The following DPP10 variants were observed in gnomAD, a reference collection of about 807,000 sequenced individuals.
The protein encoded by DPP10 is dipeptidyl peptidase like 10, also known as inactive dipeptidyl peptidase 10.
DPP10 carries 33 observed loss-of-function variants against 120.9 expected under a neutral mutation model. The observed-to-expected ratio is 0.27, with a 90% confidence interval of 0.21 to 0.37. The LOEUF is 0.37. Among genes scored for constraint, DPP10 ranks in the 10% least tolerant of loss-of-function variants. The pLI, the probability that DPP10 is intolerant of heterozygous loss-of-function variation, is 1.00. For synonymous variants in DPP10, 337 were observed against 326.1 expected (o/e 1.03, Z -0.36); for missense variants, 816 against 942.8 (o/e 0.87, Z 1.76).
At chr2:114,445,532 CTCTGTGTGTG>C (rs1226423357) in intron 1 of DPP10, among the ~76,000 whole-genome samples, 6 of 116,034 alleles carry the variant, frequency 5.2e-5, no homozygotes, top group African/African-American at 2.0e-4. Flanking sequence ...GGAAAAACAG[CTCTGTGTGTG>C]TGTGTGTGTG....
At chr2:114,584,507 T>G (rs907452579) in intron 1 of DPP10, among the ~76,000 whole-genome samples, 1 of 150,956 alleles carries the variant, frequency 6.6e-6, no homozygotes, top group Non-Finnish European at 1.5e-5. Context: ...AACTCGTCAT[T>G]TAGCATTAGG....
intron 1 of DPP10, among the ~76,000 whole-genome samples, chr2:114,749,197 GTCT>G (rs1678941833): frequency 6.7e-6 from 1 of 148,848 alleles, no homozygotes; most frequent in Non-Finnish European, 1.5e-5. Flanking sequence ...CTGCATAAAT[GTCT>G]TCTTTTGAGA....
chr2:114,896,675 C>T (rs1454132141), intron 1 of DPP10, among the ~76,000 whole-genome samples: 3 of 152,300 alleles, frequency 2.0e-5, no homozygotes, highest in African/African-American at 7.2e-5. Context: ...ATCATGTCAT[C>T]TGCAAACAGG....
chr2:114,615,035 C>T (rs963068735), intron 1 of DPP10, among the ~76,000 whole-genome samples: 2 of 152,144 alleles, frequency 1.3e-5, no homozygotes, highest in African/African-American at 4.8e-5. Context: ...GATTCTACAG[C>T]TGTAATTTAT....
intron 1 of DPP10, among the ~76,000 whole-genome samples, chr2:114,910,146 AATAAG>A (rs1203945046): frequency 1.3e-5 from 2 of 151,900 alleles, no homozygotes; most frequent in Non-Finnish European, 1.5e-5. Context: ...TAAATAAATA[AATAAG>A]ATAAATAAAT....
At chr2:114,889,996 G>A (rs980820499) in intron 1 of DPP10, among the ~76,000 whole-genome samples, 1 of 152,198 alleles carries the variant, frequency 6.6e-6, no homozygotes, top group Non-Finnish European at 1.5e-5. Flanking sequence ...GCTTACTACT[G>A]TGTCGAAATT....
intron 1 of DPP10, among the ~76,000 whole-genome samples, chr2:114,959,268 A>AGTCT (rs1223880844): frequency 6.6e-6 from 1 of 152,202 alleles, no homozygotes; most frequent in Non-Finnish European, 1.5e-5. Context: ...CACAATCACT[A>AGTCT]GTCTGTCTGA....
chr2:115,797,857 A>T (rs1684714951), intron 19 of DPP10, among the ~76,000 whole-genome samples: 1 of 151,958 alleles, frequency 6.6e-6, no homozygotes, highest in African/African-American at 2.4e-5. Context: ...GGAAAAACCC[A>T]AATTTAGATA....
At chr2:114,810,165 T>C (rs1399340286) in intron 1 of DPP10, among the ~76,000 whole-genome samples, 2 of 152,202 alleles carry the variant, frequency 1.3e-5, no homozygotes, top group Non-Finnish European at 2.9e-5. Context: ...TAAATATTTT[T>C]CCACCGTTTT....
intron 5 of DPP10, among the ~76,000 whole-genome samples, chr2:115,594,358 T>G (rs2082862905): frequency 6.6e-6 from 1 of 152,156 alleles, no homozygotes; most frequent in Non-Finnish European, 1.5e-5. Context: ...CTAAGTTTGT[T>G]TACAAGAGTA....
chr2:114,745,680 T>C (rs1678510718), intron 1 of DPP10, among the ~76,000 whole-genome samples: 1 of 152,256 alleles, frequency 6.6e-6, no homozygotes, highest in South Asian at 2.1e-4. Flanking sequence ...GCTTTCCGTC[T>C]GTTTATAGAG....
intron 1 of DPP10, among the ~76,000 whole-genome samples, chr2:114,502,313 C>T (rs1180962075): frequency 6.6e-6 from 1 of 152,044 alleles, no homozygotes; most frequent in African/African-American, 2.4e-5. Flanking sequence ...AGTTTTTATT[C>T]TGTACTCAAC....
In DPP10 at chr2:115,842,458, A is replaced by T; in HGVS notation, c.*113A>T. On this transcript the variant is annotated 3_prime_UTR_variant, in exon 26 of 26. Transcript: ENST00000410059. ...GTCAAGGGCAGCTTACGGAGATGTCACTGGAGCAGCACGCTCAGAGACAGT... is the reference window on the plus strand; with the variant it reads ...GTCAAGGGCAGCTTACGGAGATGTCTCTGGAGCAGCACGCTCAGAGACAGT... 7.8e-7 allele frequency: 1 copy of T among 1,275,388 alleles called. No individual in the cohort carries two copies. Among genetic ancestry groups the T allele is most frequent in the Non-Finnish European group, 1.1e-6 (1 of 933,918 alleles). The allele number at this position is 1,275,388 out of a possible 1,614,324, so 79.0% of individuals were successfully genotyped here.
chr2:114,913,445 T>C (rs1420176444), intron 1 of DPP10, among the ~76,000 whole-genome samples: 1 of 152,042 alleles, frequency 6.6e-6, no homozygotes, highest in Admixed American at 6.6e-5. Context: ...GTAAGACTGG[T>C]CCCAGTCCTT....
chr2:115,055,248 T>C (rs938302239), intron 1 of DPP10, among the ~76,000 whole-genome samples: 2 of 152,230 alleles, frequency 1.3e-5, no homozygotes, highest in East Asian at 1.9e-4. Context: ...TTTTCCATCA[T>C]TCTCTTGAAC....
intron 1 of DPP10, among the ~76,000 whole-genome samples, chr2:115,122,390 T>C (rs1045348046): frequency 6.6e-6 from 1 of 152,218 alleles, no homozygotes; most frequent in African/African-American, 2.4e-5. Context: ...CTTGGTCCCA[T>C]CCAATTTCTG....
intron 1 of DPP10, among the ~76,000 whole-genome samples, chr2:114,475,654 A>C (rs1435158866): frequency 6.6e-6 from 1 of 152,220 alleles, no homozygotes; most frequent in African/African-American, 2.4e-5. Context: ...ATTCTCATGG[A>C]CACTAAATTT....
At chr2:115,276,743 A>G (rs192275447) in intron 1 of DPP10, among the ~76,000 whole-genome samples, 1 of 152,234 alleles carries the variant, frequency 6.6e-6, no homozygotes, top group Non-Finnish European at 1.5e-5. Flanking sequence ...TTTTGGCAAG[A>G]TCATCTTTTT....
intron 1 of DPP10, among the ~76,000 whole-genome samples, chr2:115,108,494 T>C (rs1223865343): frequency 6.6e-6 from 1 of 152,210 alleles, no homozygotes; most frequent in East Asian, 1.9e-4. Context: ...CAGTCTCAGT[T>C]AAATGCAGGT....
Sources: allele counts gnomAD v4.1 joint callset (sites outside exome capture counted in the v4.1 genomes callset), GRCh38; gene constraint gnomAD v4.1.1; transcripts MANE v1.5; gene names NCBI Gene and HGNC (gene_info 2026-07-23, HGNC 2026-07-21).